TFEC: variants seen among roughly 807,000 people sequenced by gnomAD.
The protein encoded by TFEC is transcription factor EC.
In TFEC, 31 loss-of-function variants were observed where a neutral mutation model predicts 41.6. The observed-to-expected ratio is 0.74, with a 90% CI of 0.56 to 1.01. The LOEUF (loss-of-function observed/expected upper bound fraction) is 1.01. Among genes scored for constraint, TFEC ranks in the 50% least tolerant of loss-of-function variants. The pLI is 0.00. For missense variants in TFEC, 402 were observed against 404.1 expected, an observed-to-expected ratio of 0.99 and a Z score of 0.04; for synonymous variants, 143 against 140.6, an observed-to-expected ratio of 1.02 and a Z score of -0.12.
intron 1 of TFEC, among the ~76,000 whole-genome samples, chr7:116,012,374 C>A (rs1422650649): frequency 6.6e-6 from 1 of 152,116 alleles, no homozygotes; most frequent in Non-Finnish European, 1.5e-5. Context: ...TCATGTCATG[C>A]TTAAATGTAC....
intron 1 of TFEC, among the ~76,000 whole-genome samples, chr7:116,115,569 T>G (rs1797969503): frequency 6.6e-6 from 1 of 151,896 alleles, no homozygotes; most frequent in Admixed American, 6.6e-5. Flanking sequence ...GCATCCCTCT[T>G]ATAAGGACTG....
chr7:116,068,514 C>A (rs1394423151), intron 3 of TFEC, among the ~76,000 whole-genome samples: 1 of 151,544 alleles, frequency 6.6e-6, no homozygotes, highest in Non-Finnish European at 1.5e-5. Context: ...CTAAAACTTT[C>A]TAATATTCCA....
Position 116,088,436 on chromosome 7 carries a change from T to G in TFEC, c.198+22272A>C, listed in dbSNP as rs183606449. On this transcript the variant is annotated intron_variant, in intron 3 of 8. Coordinates refer to the TFEC transcript ENST00000484212. Reference sequence around the variant, plus strand: ...TTGCGATAATTAGAAAATCAAAGAATGAGACAGGATGGTGACCATCTGTGT... The same window carrying G: ...TTGCGATAATTAGAAAATCAAAGAAGGAGACAGGATGGTGACCATCTGTGT... 3.9e-5 allele frequency among the ~76,000 whole-genome samples: 6 copies of G among 152,242 alleles called. No individual in the cohort carries two copies. In the East Asian group the frequency reaches 9.6e-4, roughly 24 times the overall value.
intron 3 of TFEC, among the ~76,000 whole-genome samples, chr7:116,107,543 A>G (rs1018939779): frequency 6.6e-6 from 1 of 152,196 alleles, no homozygotes; most frequent in Non-Finnish European, 1.5e-5. Flanking sequence ...GACAATATGC[A>G]GAGAGCACAG....
rs538854804 is a variant in TFEC at position 116,105,705 on chromosome 7, C to T, written c.198+5003G>A. On this transcript the variant is annotated intron_variant, in intron 3 of 8. Coordinates refer to the TFEC transcript ENST00000484212. ...GAGAAAGAAGCATCTCGGAGGTAGC[C>T]ATCCAGGTCAGAGGACATAAGCACA... 6.6e-4 allele frequency among the ~76,000 whole-genome samples: 101 copies of T among 152,172 alleles called. 1 individual carries two copies. Among genetic ancestry groups the T allele is most frequent in the Admixed American group, 1.3e-3 (20 of 15,276 alleles).
intron 4 of TFEC, among the ~76,000 whole-genome samples, chr7:115,956,236 C>A (rs1792218131): frequency 6.6e-6 from 1 of 151,532 alleles, no homozygotes; most frequent in South Asian, 2.1e-4. Context: ...ATCCATAAAA[C>A]AAGCTAAAAA....
intron 1 of TFEC, among the ~76,000 whole-genome samples, chr7:116,028,879 C>T (rs904259741): frequency 1.3e-5 from 2 of 152,242 alleles, no homozygotes; most frequent in Non-Finnish European, 2.9e-5. Flanking sequence ...CCTTATTTCT[C>T]CTTTCTGACT....
chr7:115,990,384 G>C (rs1000964777), intron 1 of TFEC, among the ~76,000 whole-genome samples: 4 of 152,212 alleles, frequency 2.6e-5, no homozygotes, highest in East Asian at 1.9e-4. Flanking sequence ...GAATGACTTT[G>C]AGGAGTTGAG....
At chr7:115,964,268 A>G (rs1792728320) in intron 3 of TFEC, among the ~76,000 whole-genome samples, 4 of 151,670 alleles carry the variant, frequency 2.6e-5, no homozygotes, top group Admixed American at 2.6e-4. Flanking sequence ...AACATACTTC[A>G]CAAAGAAAAA....
chr7:115,968,246 A>G (rs1035142792), intron 3 of TFEC: 2 of 1,530,590 alleles, frequency 1.3e-6, no homozygotes, highest in Non-Finnish European at 8.7e-7. Context: ...TTTCTCCTTC[A>G]TCATTTTCTT....
Position 116,002,344 on chromosome 7 carries a change from A to G in TFEC, c.-72-17831T>C, listed in dbSNP as rs185595464. 5.9e-5 allele frequency among the ~76,000 whole-genome samples: 9 copies of G among 152,366 alleles called. No homozygotes were observed. The East Asian group carries it at 1.7e-3, about 29-fold the overall frequency. On this transcript the variant is annotated intron_variant, in intron 1 of 7. Transcript: ENST00000265440. ...ATACACACTGGAGTACTATTTAGCC[A>G]TAAAAATGAATGACATCCTATCATT...
intron 3 of TFEC, among the ~76,000 whole-genome samples, chr7:115,961,016 C>T (rs1009562281): frequency 1.2e-4 from 18 of 151,616 alleles, no homozygotes; most frequent in African/African-American, 4.3e-4. Flanking sequence ...ATGTTTAGAA[C>T]TACAAGGGGA....
At chr7:116,006,970 C>A (rs1440922174) in intron 1 of TFEC, among the ~76,000 whole-genome samples, 1 of 152,116 alleles carries the variant, frequency 6.6e-6, no homozygotes, top group Non-Finnish European at 1.5e-5. Flanking sequence ...TTTCACCTTC[C>A]ACCATGATTG....
At position 116,145,309 on chromosome 7, in the gene TFEC, C is replaced by A. The variant is rs147242628; in HGVS notation, c.-69+14481G>T. On this transcript the variant is annotated intron_variant, in intron 1 of 8. Transcript: ENST00000484212. ...AATTGATATCTACAAATCTCACCCC[C>A]ACCCCTGAGCTAACTGATGATTGTG... Among the ~76,000 whole-genome samples, 20 of 152,256 alleles carry A rather than the reference C, an allele frequency of 1.3e-4. 1 individual carries two copies. In the East Asian group the frequency reaches 3.9e-3, roughly 29 times the overall value.
chr7:116,091,122 G>GA (rs907404331), intron 3 of TFEC, among the ~76,000 whole-genome samples: 13 of 150,884 alleles, frequency 8.6e-5, no homozygotes, highest in East Asian at 7.7e-4. Flanking sequence ...ATAAAAAAAG[G>GA]AAAAAAAAAT....
intron 3 of TFEC, among the ~76,000 whole-genome samples, chr7:116,065,322 C>G (rs559054101): frequency 6.6e-5 from 10 of 152,134 alleles, no homozygotes; most frequent in African/African-American, 2.4e-4. Context: ...GAGAAAAGTT[C>G]CTAGGAGAAC....
At chr7:116,072,897 CA>C (rs1358860547) in intron 3 of TFEC, among the ~76,000 whole-genome samples, 1 of 151,452 alleles carries the variant, frequency 6.6e-6, no homozygotes, top group Non-Finnish European at 1.5e-5. Flanking sequence ...TCCCTACTAA[CA>C]GGAACAATAC....
intron 4 of TFEC, among the ~76,000 whole-genome samples, chr7:115,955,974 T>C (rs1417827844): frequency 1.3e-5 from 2 of 152,012 alleles, no homozygotes; most frequent in African/African-American, 4.8e-5. Context: ...AGTGAATTTA[T>C]TTACTTTATT....
chr7:115,962,282 AACTC>A (rs1792597013), intron 3 of TFEC, among the ~76,000 whole-genome samples: 1 of 151,822 alleles, frequency 6.6e-6, no homozygotes, highest in Non-Finnish European at 1.5e-5. Context: ...AGCAGTCTAA[AACTC>A]AATACAATTT....
Sources: gnomAD v4.1 joint callset for allele counts (sites outside exome capture counted in the v4.1 genomes callset) on GRCh38, gnomAD v4.1.1 for gene constraint, MANE v1.5 for transcripts, NCBI Gene and HGNC (gene_info 2026-07-23, HGNC 2026-07-21) for gene names.